The following CLIP2 variants were observed in gnomAD, a reference collection of about 807,000 sequenced individuals.
CLIP2 encodes CAP-Gly domain containing linker protein 2, also known as CAP-Gly domain-containing linker protein 2.
Under a neutral mutation model 111.7 loss-of-function variants are expected in CLIP2, and 41 were observed. The observed-to-expected ratio is 0.37, with a 90% CI of 0.29 to 0.48. The LOEUF is 0.48. Ranked by LOEUF, CLIP2 falls within the 20% of genes least tolerant of loss-of-function variation. CLIP2 has a pLI of 0.99. For synonymous variants in CLIP2, 660 were observed against 644.2 expected, an observed-to-expected ratio of 1.02 and a Z score of -0.37; for missense variants, 1,160 against 1,422.1, an observed-to-expected ratio of 0.82 and a Z score of 2.96.
chr7:74,351,094 AAG>A (rs1789981320), intron 3 of CLIP2, among the ~76,000 whole-genome samples: 1 of 136,688 alleles, frequency 7.3e-6, no homozygotes, highest in African/African-American at 2.6e-5. Flanking sequence ...AAAAAGAAGG[AAG>A]GGAAGGGAAG....
At chr7:74,330,223 C>G (rs1267307399) in intron 2 of CLIP2, among the ~76,000 whole-genome samples, 1 of 151,144 alleles carries the variant, frequency 6.6e-6, no homozygotes, top group African/African-American at 2.4e-5. Flanking sequence ...GCCACTGTGC[C>G]TAGCTTCCTC....
chr7:74,349,132 A>G lies in CLIP2; in HGVS notation c.679-4748A>G, dbSNP rs1789896746. Among the ~76,000 whole-genome samples, 3 of 151,944 alleles carry G rather than the reference A, an allele frequency of 2.0e-5. No homozygotes were observed. In the South Asian group the frequency reaches 6.2e-4, roughly 32 times the overall value. ...CCATGCCATGGGATACTATTTGGCC[A>G]CAAAACGAATGAAGTACTGGTCGGG... is the stretch of plus-strand genomic sequence containing the variant. On this transcript the variant is annotated intron_variant, in intron 3 of 16. Transcript: ENST00000223398.
At chr7:74,380,644 A>G (rs920366988) in intron 10 of CLIP2, 162 bp from the exon 11 acceptor site, 4 of 554,698 alleles carry the variant, frequency 7.2e-6, no homozygotes, top group Non-Finnish European at 1.3e-5. Flanking sequence ...CCGACTGAGG[A>G]CGTCTGCACT....
At chr7:74,336,875 G>GT (rs1385833904) in intron 2 of CLIP2, among the ~76,000 whole-genome samples, 62 of 36,622 alleles carry the variant, frequency 1.7e-3, no homozygotes, top group South Asian at 4.9e-3. Context: ...TTTTTTTTTT[G>GT]TTTTTTTTTG....
In CLIP2 at chr7:74,317,501, G is replaced by A. The variant is rs782143002; in HGVS notation, c.-46G>A. On this transcript the variant is annotated 5_prime_UTR_variant, in exon 2 of 17. Coordinates refer to ENST00000223398, the MANE Select transcript of CLIP2 (RefSeq NM_003388.5). ...GCAGGTGAGTGAAGATGGCAGAGAG[G>A]ACGTGACCAGCACTCACCCTTGTCC... 22 of 1,354,232 alleles carry A rather than the reference G, an allele frequency of 1.6e-5. No homozygotes were observed. Among genetic ancestry groups the A allele is most frequent in the Non-Finnish European group, 2.1e-5 (22 of 1,044,062 alleles). The allele number at this position is 1,354,232 out of a possible 1,614,324, so 83.9% of individuals were successfully genotyped here.
chr7:74,291,923 CTTTTT>C (rs782577666), intron 1 of CLIP2, among the ~76,000 whole-genome samples: 14 of 132,842 alleles, frequency 1.1e-4, no homozygotes, highest in African/African-American at 3.5e-4. Context: ...ATCCTGCCCT[CTTTTT>C]TTTTTTTTTT....
intron 7 of CLIP2, among the ~76,000 whole-genome samples, chr7:74,361,025 C>T (rs1584359978): frequency 6.6e-6 from 1 of 151,836 alleles, no homozygotes; most frequent in East Asian, 1.9e-4. Context: ...AGCCAGTTCA[C>T]ACTCACAGTG....
At chr7:74,402,973 G>A (rs1211128580) in intron 16 of CLIP2, among the ~76,000 whole-genome samples, 1 of 152,008 alleles carries the variant, frequency 6.6e-6, no homozygotes, top group African/African-American at 2.4e-5. Context: ...CACTTTAGGA[G>A]GCCAAGGCAG....
intron 7 of CLIP2, among the ~76,000 whole-genome samples, chr7:74,360,777 C>T (rs1790305039): frequency 6.6e-6 from 1 of 152,122 alleles, no homozygotes; most frequent in African/African-American, 2.4e-5. Flanking sequence ...TCTCGAACTC[C>T]TGACCTCAGG....
At chr7:74,336,851 G>GTTTTTTTTTTTTTTTTTTTTTT (rs1433031631) in intron 2 of CLIP2, among the ~76,000 whole-genome samples, 1 of 21,606 alleles carries the variant, frequency 4.6e-5, no homozygotes, top group African/African-American at 8.0e-5. Flanking sequence ...ATGGTTGTTT[G>GTTTTTTTTTTTTTTTTTTTTTT]TTTTTTTTGT....
chr7:74,289,514 C>T lies in CLIP2; in HGVS notation c.-288C>T, dbSNP rs1564018734. 1 of 151,238 alleles carries T rather than the reference C, an allele frequency of 6.6e-6. No homozygotes were observed. The highest frequency in any genetic ancestry group is 1.5e-5 in the Non-Finnish European group (1 of 67,656). 9.4% of individuals were successfully genotyped at this position (151,238 alleles called of 1,614,324 possible). ...GGCGCGCAGGCGGCTGCTGGGCGGC[C>T]TCGGTGCGCGCCTCCCGCCTTCCCA... On this transcript the variant is annotated 5_prime_UTR_variant, in exon 1 of 17. Transcript: ENST00000223398.
intron 3 of CLIP2, among the ~76,000 whole-genome samples, chr7:74,341,944 G>A (rs1554305452): frequency 6.6e-6 from 1 of 152,214 alleles, no homozygotes; most frequent in African/African-American, 2.4e-5. Context: ...TGCTCTCAGA[G>A]CCTGGCCTGG....
chr7:74,367,357 A>AT (rs1562713285), intron 8 of CLIP2, among the ~76,000 whole-genome samples: 1 of 151,936 alleles, frequency 6.6e-6, no homozygotes, highest in Non-Finnish European at 1.5e-5. Context: ...TGCCCGGCTA[A>AT]TTTTTTGTAT....
At chr7:74,327,651 T>C (rs1789153530) in intron 2 of CLIP2, among the ~76,000 whole-genome samples, 1 of 152,236 alleles carries the variant, frequency 6.6e-6, no homozygotes. Flanking sequence ...TTCTCGGCTC[T>C]CCACTGACCA....
chr7:74,324,898 G>A (rs1564039399), intron 2 of CLIP2, among the ~76,000 whole-genome samples: 1 of 151,624 alleles, frequency 6.6e-6, no homozygotes, highest in East Asian at 1.9e-4. Flanking sequence ...CAGTCCTGTT[G>A]GCCCTTCGGG....
chr7:74,358,368 T>A (rs914972317), intron 6 of CLIP2, among the ~76,000 whole-genome samples: 12 of 151,910 alleles, frequency 7.9e-5, no homozygotes, highest in South Asian at 2.1e-4. Flanking sequence ...TTTATTTTTT[T>A]AAAATATTTT....
intron 1 of CLIP2, among the ~76,000 whole-genome samples, chr7:74,312,292 CTG>C (rs1238396223): frequency 6.6e-5 from 10 of 152,002 alleles, no homozygotes; most frequent in Admixed American, 6.6e-4. Flanking sequence ...CGATTTATAA[CTG>C]TTTTCTCTGT....
intron 8 of CLIP2, among the ~76,000 whole-genome samples, chr7:74,371,724 G>T (rs1173946404): frequency 2.0e-5 from 3 of 149,896 alleles, no homozygotes; most frequent in African/African-American, 7.4e-5. Context: ...GAAGGAGAGG[G>T]GAGAGAGAAA....
intron 8 of CLIP2, among the ~76,000 whole-genome samples, chr7:74,365,487 C>T (rs962092786): frequency 6.6e-6 from 1 of 152,184 alleles, no homozygotes; most frequent in Non-Finnish European, 1.5e-5. Flanking sequence ...CAGCCCCGCC[C>T]ACTACCTACC....
Sources: allele counts gnomAD v4.1 joint callset (sites outside exome capture counted in the v4.1 genomes callset), GRCh38; gene constraint gnomAD v4.1.1; transcripts MANE v1.5; gene names NCBI Gene and HGNC (gene_info 2026-07-23, HGNC 2026-07-21).